Variants in PCDHA1 observed in about 807,000 individuals in gnomAD.
PCDHA1 encodes the protein protocadherin alpha-1.
In PCDHA1, 42 loss-of-function variants were observed where a neutral mutation model predicts 61.3. The ratio of observed to expected loss-of-function variants is 0.69; its 90% CI spans 0.54 to 0.89. The LOEUF (loss-of-function observed/expected upper bound fraction) is 0.89, where lower values mean the gene tolerates loss of function less well. PCDHA1 is among the 40% of genes least tolerant of loss of function. The probability of loss-of-function intolerance (pLI) is 0.00; values close to 1 mark genes in which losing one functional copy is unlikely to be tolerated. For missense variants in PCDHA1, 1,256 were observed against 1,235.3 expected (o/e 1.02, Z -0.25); for synonymous variants, 610 against 553.8 (o/e 1.10, Z -1.43).
intron 1 of PCDHA1, among the ~76,000 whole-genome samples, chr5:140,972,283 A>C (rs2096528536): frequency 2.7e-5 from 4 of 149,876 alleles, no homozygotes; most frequent in Admixed American, 2.7e-4. Flanking sequence ...TGGACCATAG[A>C]TGTGCGCCAC....
intron 1 of PCDHA1, among the ~76,000 whole-genome samples, chr5:140,820,975 A>G (rs1766869804): frequency 6.6e-6 from 1 of 152,154 alleles, no homozygotes; most frequent in South Asian, 2.1e-4. Flanking sequence ...TACAAAAAGT[A>G]GATAGGTGTT....
chr5:140,922,465 T>G (rs116670359), intron 1 of PCDHA1, among the ~76,000 whole-genome samples: 1 of 152,190 alleles, frequency 6.6e-6, no homozygotes, highest in African/African-American at 2.4e-5. Flanking sequence ...CAACACAAAA[T>G]AGGAGAGAAG....
intron 2 of PCDHA1, among the ~76,000 whole-genome samples, chr5:140,979,626 A>T (rs2096859120): frequency 2.0e-5 from 3 of 152,204 alleles, no homozygotes; most frequent in Non-Finnish European, 4.4e-5. Flanking sequence ...TTAGTCTAAG[A>T]CTCAGATTAA....
chr5:140,787,490 C>T lies in PCDHA1; in HGVS notation c.1200C>T (p.Thr400=). ...MPHVPFKLVS[T]FKNYYSLVLD... is the part of the protein sequence containing the mutation. ...ACGTCCCCTTCAAGCTGGTGTCCAC[C>T]TTCAAGAATTACTACTCGTTGGTGT... The change falls in exon 1 of 4, where the codon ACC becomes ACT. Residue 400 remains threonine, a synonymous_variant. Coordinates refer to ENST00000504120, the MANE Select transcript of PCDHA1 (RefSeq NM_018900.4). 1 of 1,614,224 alleles carries T rather than the reference C, an allele frequency of 6.2e-7. No homozygotes were observed. Among genetic ancestry groups the T allele is most frequent in the Middle Eastern group, 1.7e-4 (1 of 6,058 alleles).
At chr5:140,802,448 C>G (rs782040160) in intron 1 of PCDHA1, 4 of 1,614,080 alleles carry the variant, frequency 2.5e-6, no homozygotes, top group South Asian at 2.2e-5. Context: ...ACCGCGAGAG[C>G]GTGTCGGCCT....
At chr5:140,968,852 A>G (rs1554231175) in intron 1 of PCDHA1, 1 of 1,614,196 alleles carries the variant, frequency 6.2e-7, no homozygotes, top group Non-Finnish European at 8.5e-7. Flanking sequence ...GAGGCATGTT[A>G]AGAGCCCTCG....
At chr5:140,820,473 T>C (rs2150107106) in intron 1 of PCDHA1, among the ~76,000 whole-genome samples, 2 of 152,136 alleles carry the variant, frequency 1.3e-5, no homozygotes, top group African/African-American at 4.8e-5. Flanking sequence ...AGGTAAGGGA[T>C]ATTTTGTAAT....
chr5:140,800,289 C>T (rs952271740), intron 1 of PCDHA1, among the ~76,000 whole-genome samples: 1 of 152,064 alleles, frequency 6.6e-6, no homozygotes, highest in African/African-American at 2.4e-5. Flanking sequence ...CTGTAAAGGA[C>T]CGACTTCTGA....
At chr5:140,857,797 G>A (rs371795952) in intron 1 of PCDHA1, 2 of 1,597,708 alleles carry the variant, frequency 1.3e-6, no homozygotes, top group Middle Eastern at 1.7e-4. Flanking sequence ...TGCTGCGGTC[G>A]GTGGTTGCGG....
At chr5:140,797,791 A>G (rs1168898008) in intron 1 of PCDHA1, among the ~76,000 whole-genome samples, 2 of 152,184 alleles carry the variant, frequency 1.3e-5, no homozygotes, top group Non-Finnish European at 2.9e-5. Context: ...GACATTTCTT[A>G]GATTGTTCTT....
At chr5:140,807,862 C>T in intron 1 of PCDHA1, 4 of 1,614,112 alleles carry the variant, frequency 2.5e-6, no homozygotes, top group South Asian at 1.1e-5. Context: ...TGACTGGCAC[C>T]GTTCAGTTAC....
At position 140,788,444 on chromosome 5, in the gene PCDHA1, C is replaced by G. The variant is rs1761466478; in HGVS notation, c.2154C>G (p.Tyr718Ter). ...SSLLVLTLLLYTALRCSVPPT... is the reference protein window; with the variant it reads ...SSLLVLTLLL ...TGCTGGTGCTCACACTGCTGCTGTA[C>G]ACGGCGCTGCGGTGCTCAGTGCCGC... is the stretch of plus-strand genomic sequence containing the variant. The change falls in exon 1 of 4, where the codon TAC becomes TAG. Residue 718 changes from tyrosine (Y) to a stop codon, truncating the protein, a stop_gained. Coordinates refer to ENST00000504120, the MANE Select transcript of PCDHA1 (RefSeq NM_018900.4). LOFTEE classifies it high-confidence loss of function. The G allele has an allele frequency of 8.1e-6, 13 of 1,614,140 alleles. No homozygotes were observed. Among genetic ancestry groups the G allele is most frequent in the Non-Finnish European group, 1.1e-5 (13 of 1,179,996 alleles).
intron 1 of PCDHA1, chr5:140,884,795 T>C: frequency 7.8e-7 from 1 of 1,280,270 alleles, no homozygotes; most frequent in South Asian, 1.7e-5. Context: ...TGTTATCGAA[T>C]TTAACAACTC....
At chr5:140,822,729 T>C in intron 1 of PCDHA1, 1 of 1,613,080 alleles carries the variant, frequency 6.2e-7, no homozygotes, top group South Asian at 1.1e-5. Context: ...ATGAAATTAA[T>C]ATTGATGCCA....
intron 1 of PCDHA1, chr5:140,843,060 T>C: frequency 1.3e-6 from 2 of 1,595,188 alleles, no homozygotes; most frequent in Non-Finnish European, 1.7e-6. Context: ...GCGAGCAAGC[T>C]GGTGCCGCGG....
intron 1 of PCDHA1, among the ~76,000 whole-genome samples, chr5:140,909,403 G>A (rs533159317): frequency 2.0e-4 from 31 of 152,280 alleles, no homozygotes; most frequent in African/African-American, 7.2e-4. Flanking sequence ...AGCTGCAATT[G>A]CAGTTACCAT....
chr5:140,829,656 C>A (rs2150172140), intron 1 of PCDHA1: 1 of 1,612,578 alleles, frequency 6.2e-7, no homozygotes, highest in Admixed American at 1.7e-5. Context: ...GCGCTGCAGC[C>A]GCTGGACCAC....
chr5:140,839,247 T>A (rs1421904889), intron 1 of PCDHA1, among the ~76,000 whole-genome samples: 1 of 152,090 alleles, frequency 6.6e-6, no homozygotes, highest in African/African-American at 2.4e-5. Flanking sequence ...GCTTTGCTTT[T>A]ATGCTTACAT....
intron 1 of PCDHA1, chr5:140,807,108 G>T (rs1405557630): frequency 6.8e-6 from 10 of 1,477,174 alleles, no homozygotes; most frequent in Non-Finnish European, 9.2e-6. Flanking sequence ...GGATGCAGCT[G>T]CACTTGACTG....
Sources: gnomAD v4.1 joint callset for allele counts (sites outside exome capture counted in the v4.1 genomes callset) on GRCh38, gnomAD v4.1.1 for gene constraint, MANE v1.5 for transcripts, NCBI Gene and HGNC (gene_info 2026-07-23, HGNC 2026-07-21) for gene names.